Variants in RBBP8 observed in about 807,000 individuals in gnomAD.
RBBP8 encodes DNA endonuclease RBBP8.
A neutral mutation model predicts 108.3 loss-of-function variants in RBBP8; 88 were observed. That is an observed-to-expected ratio of 0.81 (90% CI 0.68 to 0.97). The LOEUF (loss-of-function observed/expected upper bound fraction) is 0.97, where lower values mean the gene tolerates loss of function less well. Among genes scored for constraint, RBBP8 ranks in the 50% least tolerant of loss-of-function variants. RBBP8 has a pLI of 0.00. For missense variants in RBBP8, 1,023 were observed against 1,049.0 expected (o/e 0.98, Z 0.34); for synonymous variants, 332 against 348.2 (o/e 0.95, Z 0.52).
At chr18:22,989,972 C>T (rs942061657) in intron 9 of RBBP8, among the ~76,000 whole-genome samples, 3 of 152,178 alleles carry the variant, frequency 2.0e-5, no homozygotes, top group African/African-American at 7.2e-5. Context: ...TCCAGCTGTA[C>T]TCTTATTAAG....
intron 16 of RBBP8, among the ~76,000 whole-genome samples, chr18:23,010,373 G>A (rs766750655): frequency 3.3e-5 from 5 of 152,166 alleles, no homozygotes; most frequent in Admixed American, 6.5e-5. Flanking sequence ...AGGCTTTGGC[G>A]GAAGAATCGC....
chr18:22,984,997 AAGATACTG>A lies in RBBP8; in HGVS notation c.709+12_709+19del, dbSNP rs775503585. On this transcript the variant is annotated splice_region_variant and intron_variant, in intron 8 of 18. Transcript: ENST00000327155. ...AGTCAATCTCCAATGGCCAGTAAGC[AAGATACTG>A]AGATTACTTTACAAGTTTAAAATTG... 3 of 1,610,418 alleles carry A rather than the reference AAGATACTG, an allele frequency of 1.9e-6. No homozygotes were observed. Among genetic ancestry groups the A allele is most frequent in the Non-Finnish European group, 2.5e-6 (3 of 1,177,498 alleles).
At chr18:23,006,801 C>T (rs1255144365) in intron 16 of RBBP8, among the ~76,000 whole-genome samples, 1 of 152,020 alleles carries the variant, frequency 6.6e-6, no homozygotes, top group African/African-American at 2.4e-5. Flanking sequence ...CACACCTGGC[C>T]AGTCGAGCTG....
intron 4 of RBBP8, among the ~76,000 whole-genome samples, chr18:22,955,989 A>AT: frequency 6.6e-6 from 1 of 152,208 alleles, no homozygotes; most frequent in East Asian, 1.9e-4. Context: ...TACATCTTAA[A>AT]TGATCATCTC....
In RBBP8 at chr18:22,949,637, G is replaced by T. The variant is rs750333366; in HGVS notation, c.172G>T (p.Glu58Ter). The change falls in exon 4 of 19, where the codon GAA becomes TAA. Residue 58 changes from glutamate to a stop codon, truncating the protein, a stop_gained. Transcript: ENST00000327155. LOFTEE classifies it high-confidence loss of function. ...CTTTAGAGATGCACAAAGACTAGAA[G>T]AATTCTTCACCAAAAATCAACAGCT... ...ERILDAQRLE[E>*]FFTKNQQLRE... 2 of 1,612,294 alleles carry T rather than the reference G, an allele frequency of 1.2e-6. No individual in the cohort carries two copies. Among genetic ancestry groups the T allele is most frequent in the Non-Finnish European group, 1.7e-6 (2 of 1,178,792 alleles).
At position 22,968,821 on chromosome 18, in the gene RBBP8, A is replaced by G; in HGVS notation, c.264A>G (p.Leu88=). The G allele has an allele frequency of 6.2e-7, 1 of 1,613,328 alleles. No individual in the cohort carries two copies. Among genetic ancestry groups the G allele is most frequent in the South Asian group, 1.1e-5 (1 of 91,068 alleles). Reference sequence around the variant, plus strand: ...TGTTTCATAGGTTAAGAGCAGGCTTATGTGATCGCTGTGCAGTAACTGAAG... The same window carrying G: ...TGTTTCATAGGTTAAGAGCAGGCTTGTGTGATCGCTGTGCAGTAACTGAAG... ...KVLEDRLRAG[L]CDRCAVTEEH... The change falls in exon 5 of 19, where the codon TTA becomes TTG. Residue 88 remains leucine (L), a synonymous_variant. Transcript: ENST00000327155.
chr18:22,966,671 C>CAT (rs1210157760), intron 4 of RBBP8, among the ~76,000 whole-genome samples: 1 of 149,082 alleles, frequency 6.7e-6, no homozygotes, highest in African/African-American at 2.5e-5. Flanking sequence ...AAATTCGTGG[C>CAT]ATATGCTACC....
chr18:22,915,891 T>C (rs964071565), intron 2 of RBBP8, among the ~76,000 whole-genome samples: 3 of 152,106 alleles, frequency 2.0e-5, no homozygotes, highest in African/African-American at 7.2e-5. Flanking sequence ...ATGGGTAAAA[T>C]TTCAAGCTTA....
chr18:22,991,325 G>A (rs1204528389), intron 10 of RBBP8, among the ~76,000 whole-genome samples: 2 of 152,182 alleles, frequency 1.3e-5, no homozygotes, highest in Non-Finnish European at 2.9e-5. Context: ...TAAAGAGCCA[G>A]TCATCCCTTC....
At chr18:22,966,993 T>A (rs983980525) in intron 4 of RBBP8, among the ~76,000 whole-genome samples, 1 of 151,516 alleles carries the variant, frequency 6.6e-6, no homozygotes, top group African/African-American at 2.4e-5. Flanking sequence ...CCCAAAGTAC[T>A]GGGATTACAG....
chr18:22,949,413 G>A (rs1041919874), intron 3 of RBBP8, among the ~76,000 whole-genome samples: 1 of 152,114 alleles, frequency 6.6e-6, no homozygotes, highest in African/African-American at 2.4e-5. Context: ...GTCAATAGTG[G>A]CATGATGACT....
intron 6 of RBBP8, among the ~76,000 whole-genome samples, chr18:22,979,323 T>TTTTATAA (rs1914725892): frequency 6.6e-6 from 1 of 152,052 alleles, no homozygotes; most frequent in African/African-American, 2.4e-5. Flanking sequence ...TGTTTATGTT[T>TTTTATAA]ATTTTATTTA....
intron 5 of RBBP8, among the ~76,000 whole-genome samples, chr18:22,974,620 C>T (rs939781019): frequency 2.0e-5 from 3 of 152,074 alleles, no homozygotes; most frequent in Admixed American, 6.5e-5. Flanking sequence ...CCACCATGTC[C>T]GGCTGATTTT....
chr18:22,922,353 C>T (rs948863100), intron 3 of RBBP8, among the ~76,000 whole-genome samples: 1 of 151,864 alleles, frequency 6.6e-6, no homozygotes, highest in Non-Finnish European at 1.5e-5. Context: ...GGTAAAGTAG[C>T]TAATGAACTG....
Position 22,979,724 on chromosome 18 carries a change from C to A in RBBP8, c.429-2494C>A, listed in dbSNP as rs1914765098. Among the ~76,000 whole-genome samples, 3 of 152,158 alleles carry A rather than the reference C, an allele frequency of 2.0e-5. 1 individual carries two copies. Among genetic ancestry groups the A allele is most frequent in the Admixed American group, 1.3e-4 (2 of 15,278 alleles). On this transcript the variant is annotated intron_variant, in intron 6 of 18. Transcript: ENST00000327155. ...TCAACATTCACAATTCAATTCAAAC[C>A]CAATCTTTCAGTTACAGTTGATCCT...
intron 9 of RBBP8, among the ~76,000 whole-genome samples, chr18:22,990,294 A>G (rs1178446206): frequency 6.6e-6 from 1 of 152,186 alleles, no homozygotes; most frequent in Non-Finnish European, 1.5e-5. Flanking sequence ...CTGAACTTGC[A>G]TTGTAACAAA....
intron 2 of RBBP8, among the ~76,000 whole-genome samples, chr18:22,939,561 T>C (rs140750060): frequency 1.3e-5 from 2 of 152,204 alleles, no homozygotes; most frequent in East Asian, 3.9e-4. Context: ...GTAAGTTTAG[T>C]TTCTTGCAAA....
intron 4 of RBBP8, among the ~76,000 whole-genome samples, chr18:22,950,274 T>C (rs746172821): frequency 2.0e-5 from 3 of 152,174 alleles, no homozygotes; most frequent in Non-Finnish European, 4.4e-5. Flanking sequence ...ACCTATAAAC[T>C]ACCTACCTGC....
intron 12 of RBBP8, among the ~76,000 whole-genome samples, chr18:22,994,319 G>A (rs1367515712): frequency 6.2e-5 from 9 of 144,296 alleles, no homozygotes; most frequent in Admixed American, 1.4e-4. Flanking sequence ...CACTGCGCCC[G>A]GCCACTTATA....
Sources: gnomAD v4.1 joint callset for allele counts (sites outside exome capture counted in the v4.1 genomes callset) on GRCh38, gnomAD v4.1.1 for gene constraint, MANE v1.5 for transcripts, NCBI Gene and HGNC (gene_info 2026-07-23, HGNC 2026-07-21) for gene names.